Variants in NLGN1 observed in about 807,000 individuals in gnomAD.
The protein encoded by NLGN1 is neuroligin-1.
A neutral mutation model predicts 65.5 loss-of-function variants in NLGN1; 12 were observed. That is an observed-to-expected ratio of 0.18 (90% CI 0.12 to 0.30). The LOEUF is 0.30. NLGN1 is among the 10% of genes least tolerant of loss of function. The pLI is 1.00. For missense variants in NLGN1, 750 were observed against 1,007.1 expected (o/e 0.74, Z 3.46); for synonymous variants, 350 against 359.5 (o/e 0.97, Z 0.30).
At chr3:173,625,266 G>A (rs948456281) in intron 3 of NLGN1, among the ~76,000 whole-genome samples, 8 of 152,040 alleles carry the variant, frequency 5.3e-5, no homozygotes, top group African/African-American at 1.9e-4. Flanking sequence ...TTCATGATGT[G>A]TATTTTAGAC....
chr3:173,480,554 T>C (rs985726602), intron 2 of NLGN1, among the ~76,000 whole-genome samples: 2 of 152,154 alleles, frequency 1.3e-5, no homozygotes, highest in African/African-American at 4.8e-5. Flanking sequence ...GACAGATTTA[T>C]AGCAGTTACT....
intron 4 of NLGN1, among the ~76,000 whole-genome samples, chr3:173,914,130 G>A (rs1230079234): frequency 1.3e-5 from 2 of 152,112 alleles, no homozygotes; most frequent in African/African-American, 4.8e-5. Flanking sequence ...TGCCTCCCTA[G>A]GTACTCCAAC....
intron 2 of NLGN1, among the ~76,000 whole-genome samples, chr3:173,590,190 A>G (rs898121523): frequency 1.3e-5 from 2 of 152,190 alleles, no homozygotes; most frequent in South Asian, 2.1e-4. Flanking sequence ...ATAAAAGTTC[A>G]CTTCAGCAAC....
intron 4 of NLGN1, among the ~76,000 whole-genome samples, chr3:173,866,527 C>T (rs1405141676): frequency 3.9e-5 from 6 of 152,158 alleles, no homozygotes; most frequent in Non-Finnish European, 8.8e-5. Context: ...CGTATGTTTG[C>T]TATAATCTAT....
At chr3:173,617,167 A>T (rs1753239089) in intron 3 of NLGN1, among the ~76,000 whole-genome samples, 1 of 152,190 alleles carries the variant, frequency 6.6e-6, no homozygotes, top group African/African-American at 2.4e-5. Flanking sequence ...CCACCTTGTC[A>T]AAACAGCCTT....
At chr3:173,725,171 G>A (rs1313690249) in intron 3 of NLGN1, among the ~76,000 whole-genome samples, 1 of 151,652 alleles carries the variant, frequency 6.6e-6, no homozygotes, top group Non-Finnish European at 1.5e-5. Context: ...AGAACTTAAA[G>A]TATAATAATA....
At position 174,211,107 on chromosome 3, in the gene NLGN1, ATCT is replaced by A. The variant is rs564791909; in HGVS notation, c.647-64205_647-64203del. Reference sequence around the variant, plus strand: ...CGCTCGCTCAGGAGTGAAGCTGCAGATCTTCGCAGTGAGTGTTACAGCTCATAA... The same window carrying A: ...CGCTCGCTCAGGAGTGAAGCTGCAGATCGCAGTGAGTGTTACAGCTCATAA... On this transcript the variant is annotated intron_variant, in intron 4 of 6. Transcript: ENST00000457714. Among the ~76,000 whole-genome samples, 46 of 152,266 alleles carry A rather than the reference ATCT, an allele frequency of 3.0e-4. No individual in the cohort carries two copies. In the South Asian group the frequency reaches 9.1e-3, roughly 30 times the overall value.
chr3:173,569,425 C>A, intron 2 of NLGN1, among the ~76,000 whole-genome samples: 1 of 151,938 alleles, frequency 6.6e-6, no homozygotes, highest in East Asian at 1.9e-4. Flanking sequence ...TTTTAACATT[C>A]AAGTTCTATC....
intron 4 of NLGN1, among the ~76,000 whole-genome samples, chr3:174,153,703 C>A (rs1724832713): frequency 6.6e-6 from 1 of 151,908 alleles, no homozygotes; most frequent in African/African-American, 2.4e-5. Context: ...TCTGAAGATT[C>A]TGAAATTGGC....
intron 2 of NLGN1, among the ~76,000 whole-genome samples, chr3:173,499,943 A>G (rs1250632260): frequency 6.6e-6 from 1 of 151,694 alleles, no homozygotes; most frequent in Non-Finnish European, 1.5e-5. Flanking sequence ...TATCAGCTTA[A>G]GATTTTGGGC....
intron 4 of NLGN1, among the ~76,000 whole-genome samples, chr3:174,227,433 A>G (rs1421350056): frequency 2.0e-5 from 3 of 152,248 alleles, no homozygotes; most frequent in Middle Eastern, 3.4e-3. Context: ...TAAAAAAGTT[A>G]CAGCAGGATT....
At chr3:173,518,396 A>G (rs1734204245) in intron 2 of NLGN1, among the ~76,000 whole-genome samples, 1 of 151,350 alleles carries the variant, frequency 6.6e-6, no homozygotes, top group African/African-American at 2.4e-5. Flanking sequence ...AGATATTTAT[A>G]TGTATATACA....
intron 2 of NLGN1, among the ~76,000 whole-genome samples, chr3:173,587,348 CT>C (rs11298555): frequency 0.96 from 146,668 of 152,252 alleles, 70,712 homozygotes; most frequent in East Asian, 1. Context: ...ATACACAAAA[CT>C]TTCAGTAAAC....
chr3:174,276,460 ATCTT>A lies in NLGN1; in HGVS notation c.859+939_859+942del, dbSNP rs1750606901. On this transcript the variant is annotated intron_variant, in intron 5 of 6. Transcript: ENST00000457714. ...CAGATAATATATAAAAACGTACACC[ATCTT>A]TCTTTTAATTTCTGATCTTTTATTG... 2.0e-5 allele frequency among the ~76,000 whole-genome samples: 3 copies of A among 150,824 alleles called. No individual in the cohort carries two copies. The South Asian group carries it at 6.2e-4, about 31-fold the overall frequency.
intron 4 of NLGN1, among the ~76,000 whole-genome samples, chr3:174,202,024 CCTT>C (rs1315442817): frequency 6.6e-6 from 1 of 152,012 alleles, no homozygotes; most frequent in African/African-American, 2.4e-5. Context: ...ATTTCTTCCT[CCTT>C]CTTTCCTTTT....
At chr3:173,452,694 C>A (rs1018597004) in intron 2 of NLGN1, among the ~76,000 whole-genome samples, 2 of 152,006 alleles carry the variant, frequency 1.3e-5, no homozygotes, top group African/African-American at 4.8e-5. Context: ...GGTTATCTAG[C>A]GAAACAGAAC....
intron 3 of NLGN1, among the ~76,000 whole-genome samples, chr3:173,618,815 A>G (rs541027704): frequency 1.3e-5 from 2 of 152,226 alleles, no homozygotes; most frequent in East Asian, 3.9e-4. Flanking sequence ...ATCTCAATCT[A>G]GGAGTGAGAG....
At chr3:173,425,350 AG>A (rs1052238126) in intron 1 of NLGN1, among the ~76,000 whole-genome samples, 1 of 133,274 alleles carries the variant, frequency 7.5e-6, no homozygotes, top group Non-Finnish European at 1.6e-5. Flanking sequence ...TGCTATGCAG[AG>A]GCTTTTTTTT....
chr3:174,022,987 CA>C (rs753485179), intron 4 of NLGN1, among the ~76,000 whole-genome samples: 3 of 151,940 alleles, frequency 2.0e-5, no homozygotes, highest in Non-Finnish European at 4.4e-5. Context: ...TACTTCAATA[CA>C]ATTTTACTTA....
Sources: gnomAD v4.1 joint callset for allele counts (sites outside exome capture counted in the v4.1 genomes callset) on GRCh38, gnomAD v4.1.1 for gene constraint, MANE v1.5 for transcripts, NCBI Gene and HGNC (gene_info 2026-07-23, HGNC 2026-07-21) for gene names.